Variants in PTPRG observed in about 807,000 individuals in gnomAD.
PTPRG encodes protein tyrosine phosphatase receptor type G.
Under a neutral mutation model 165.3 loss-of-function variants are expected in PTPRG, and 102 were observed. That is an observed-to-expected ratio of 0.62 (90% CI 0.53 to 0.73). The LOEUF (loss-of-function observed/expected upper bound fraction) is 0.73. Among genes scored for constraint, PTPRG ranks in the 30% least tolerant of loss-of-function variants. The pLI is 0.00. For synonymous variants in PTPRG, 675 were observed against 669.5 expected (o/e 1.01, Z -0.13); for missense variants, 1,866 against 1,861.4 (o/e 1.00, Z -0.05).
chr3:61,985,025 C>T (rs1559728917), intron 2 of PTPRG, among the ~76,000 whole-genome samples: 1 of 152,232 alleles, frequency 6.6e-6, no homozygotes, highest in Non-Finnish European at 1.5e-5. Flanking sequence ...CCAAGATAGC[C>T]ATGTGGTCTC....
At chr3:61,668,820 T>G (rs946120584) in intron 1 of PTPRG, among the ~76,000 whole-genome samples, 1 of 152,184 alleles carries the variant, frequency 6.6e-6, no homozygotes. Context: ...GGGCTGAAAG[T>G]ATGTTACACT....
chr3:61,773,893 G>T (rs1199202913), intron 2 of PTPRG, among the ~76,000 whole-genome samples: 1 of 151,778 alleles, frequency 6.6e-6, no homozygotes, highest in Non-Finnish European at 1.5e-5. Flanking sequence ...TCCTGCCTCA[G>T]CCTCCCAACT....
chr3:62,040,379 G>A (rs549276864), intron 4 of PTPRG, among the ~76,000 whole-genome samples: 29 of 152,218 alleles, frequency 1.9e-4, no homozygotes, highest in Non-Finnish European at 4.0e-4. Context: ...ATGTAATGTT[G>A]TGTTCCACTG....
intron 1 of PTPRG, among the ~76,000 whole-genome samples, chr3:61,639,999 A>T (rs1004209421): frequency 6.6e-6 from 1 of 152,192 alleles, no homozygotes; most frequent in African/African-American, 2.4e-5. Context: ...ATTCAATAAA[A>T]ACTCAACACA....
rs546993343 is a variant in PTPRG, at chr3:62,222,103, C to T, written c.2288+3120C>T. 2.0e-4 allele frequency among the ~76,000 whole-genome samples: 30 copies of T among 152,312 alleles called. No individual in the cohort carries two copies. Among genetic ancestry groups the T allele is most frequent in the Admixed American group, 1.1e-3 (17 of 15,294 alleles). ...ACATTTGTTGAAAGCCTGCTATGGGCCAAATAGTTGGCAATATCATCACCA... is the reference window on the plus strand; with the variant it reads ...ACATTTGTTGAAAGCCTGCTATGGGTCAAATAGTTGGCAATATCATCACCA... On this transcript the variant is annotated intron_variant, in intron 13 of 29. Transcript: ENST00000474889. This position sits in a 1 kb window ranked among gnomAD's most constrained non-coding sequence, Gnocchi z 4.5.
Position 62,252,141 on chromosome 3 carries a change from A to C in PTPRG, c.2468-2983A>C, listed in dbSNP as rs1701433050. 6.6e-6 allele frequency among the ~76,000 whole-genome samples: 1 copy of C among 151,546 alleles called. No individual in the cohort carries two copies. Among genetic ancestry groups the C allele is most frequent in the South Asian group, 2.1e-4 (1 of 4,768 alleles). On this transcript the variant is annotated intron_variant, in intron 15 of 29. Transcript: ENST00000474889. The surrounding 1 kb of genome is among the most constrained non-coding windows in gnomAD (Gnocchi z 4.6). ...CACCACCACTGCATCAGTGACATTT[A>C]CTCCCACTGTCATCAAATCCATCCT...
intron 4 of PTPRG, among the ~76,000 whole-genome samples, chr3:62,065,645 A>G (rs914263308): frequency 1.3e-5 from 2 of 152,248 alleles, no homozygotes; most frequent in African/African-American, 4.8e-5. Context: ...TGTGTGGGAA[A>G]TAACTCATTC....
chr3:62,136,508 T>C (rs988602497), intron 6 of PTPRG, among the ~76,000 whole-genome samples: 1 of 152,170 alleles, frequency 6.6e-6, no homozygotes, highest in African/African-American at 2.4e-5. Context: ...GTGGTTGGAC[T>C]GAGAAGAAGC....
chr3:62,175,626 A>C (rs1705391044), intron 8 of PTPRG, among the ~76,000 whole-genome samples: 1 of 152,388 alleles, frequency 6.6e-6, no homozygotes, highest in Non-Finnish European at 1.5e-5. Context: ...AGGTACTAGA[A>C]ATAAAGTTGA....
intron 2 of PTPRG, among the ~76,000 whole-genome samples, chr3:61,782,792 T>G (rs1296098516): frequency 6.6e-6 from 1 of 152,072 alleles, no homozygotes; most frequent in Non-Finnish European, 1.5e-5. Context: ...GTATCGTGTT[T>G]TGTTTTGTTT....
At chr3:61,817,611 T>C (rs1265991443) in intron 2 of PTPRG, among the ~76,000 whole-genome samples, 4 of 152,142 alleles carry the variant, frequency 2.6e-5, no homozygotes, top group Non-Finnish European at 5.9e-5. Context: ...TCAGAATATG[T>C]GTGGATGGGA....
intron 5 of PTPRG, among the ~76,000 whole-genome samples, chr3:62,103,760 C>G (rs1021347684): frequency 1.3e-5 from 2 of 152,184 alleles, no homozygotes; most frequent in South Asian, 2.1e-4. Flanking sequence ...GGGCAGCATC[C>G]ATGGACGAGG....
intron 2 of PTPRG, among the ~76,000 whole-genome samples, chr3:61,908,947 C>G (rs1218377473): frequency 6.6e-6 from 1 of 152,118 alleles, no homozygotes; most frequent in Non-Finnish European, 1.5e-5. Flanking sequence ...TCCTACTGTT[C>G]CTTTCACTGA....
intron 4 of PTPRG, among the ~76,000 whole-genome samples, chr3:62,015,324 G>GGAGCAGAGTGATAGGAGGTGCGGT (rs1382355678): frequency 6.6e-6 from 1 of 152,146 alleles, no homozygotes; most frequent in Non-Finnish European, 1.5e-5. Flanking sequence ...GCAGGAGAAA[G>GGAGCAGAGTGATAGGAGGTGCGGT]GAGCAGAGTG....
At chr3:61,737,210 T>C (rs2032753498) in intron 1 of PTPRG, among the ~76,000 whole-genome samples, 1 of 152,192 alleles carries the variant, frequency 6.6e-6, no homozygotes, top group Admixed American at 6.5e-5. Flanking sequence ...CTAAGTACAT[T>C]CTTTCCCTGC....
chr3:61,843,750 A>G (rs1046924866), intron 2 of PTPRG, among the ~76,000 whole-genome samples: 1 of 151,984 alleles, frequency 6.6e-6, no homozygotes, highest in African/African-American at 2.4e-5. Flanking sequence ...ATCATTTTCT[A>G]ACAGAGTGAA....
intron 1 of PTPRG, among the ~76,000 whole-genome samples, chr3:61,600,173 AATAT>A (rs1218233993): frequency 0.014 from 1,770 of 123,420 alleles, 30 homozygotes; most frequent in Middle Eastern, 0.051. Flanking sequence ...AAAAAAAAAA[AATAT>A]ATATATATAT....
At chr3:62,181,212 C>T (rs116103750) in intron 8 of PTPRG, among the ~76,000 whole-genome samples, 1,786 of 152,276 alleles carry the variant, frequency 0.012, 19 homozygotes, top group Middle Eastern at 0.027. Flanking sequence ...CAACTCCGCA[C>T]CAGGGTCCCA....
chr3:61,796,576 C>G lies in PTPRG; in HGVS notation c.190+47594C>G, dbSNP rs374795505. On this transcript the variant is annotated intron_variant, in intron 2 of 29. Coordinates refer to ENST00000474889, the MANE Select transcript of PTPRG (RefSeq NM_002841.4). ...TGCAAGTTGACCATTGTGGCAAGGT[C>G]ATAGGATAGCATGGTGGGGAGGGGG... Among the ~76,000 whole-genome samples, 14 of 152,250 alleles carry G rather than the reference C, an allele frequency of 9.2e-5. No individual in the cohort carries two copies. The East Asian group carries it at 2.1e-3, about 23-fold the overall frequency.
Sources: gnomAD v4.1 joint callset for allele counts (sites outside exome capture counted in the v4.1 genomes callset) on GRCh38, gnomAD v4.1.1 for gene constraint, Gnocchi (gnomAD v3.1) non-coding constraint, MANE v1.5 for transcripts, NCBI Gene and HGNC (gene_info 2026-07-23, HGNC 2026-07-21) for gene names.